The following CDH13 variants were observed in gnomAD, a reference collection of about 807,000 sequenced individuals.
CDH13 encodes cadherin 13.
A neutral mutation model predicts 63.8 loss-of-function variants in CDH13; 24 were observed. That is an observed-to-expected ratio of 0.38 (90% CI 0.27 to 0.53). The LOEUF (loss-of-function observed/expected upper bound fraction) is 0.53, where lower values mean the gene tolerates loss of function less well. Ranked by LOEUF, CDH13 falls within the 20% of genes least tolerant of loss-of-function variation. The pLI is 0.85. For missense variants in CDH13, 1,049 were observed against 903.1 expected (o/e 1.16, Z -2.07); for synonymous variants, 503 against 355.3 (o/e 1.42, Z -4.67).
chr16:82,940,366 A>G (rs1422257966), intron 2 of CDH13, among the ~76,000 whole-genome samples: 1 of 152,118 alleles, frequency 6.6e-6, no homozygotes, highest in African/African-American at 2.4e-5. Flanking sequence ...TAATTATGAC[A>G]CCAGAATGAG....
intron 3 of CDH13, among the ~76,000 whole-genome samples, chr16:83,053,501 G>C (rs1483747417): frequency 6.6e-6 from 1 of 152,038 alleles, no homozygotes; most frequent in Non-Finnish European, 1.5e-5. Flanking sequence ...TGAGAACCCA[G>C]GAGCATAAAT....
intron 2 of CDH13, among the ~76,000 whole-genome samples, chr16:82,877,856 C>G (rs540918240): frequency 7.6e-4 from 113 of 149,274 alleles, no homozygotes; most frequent in Non-Finnish European, 1.4e-3. Flanking sequence ...AAGACCTGAA[C>G]CTCTAGGACT....
intron 2 of CDH13, among the ~76,000 whole-genome samples, chr16:82,907,684 A>C (rs1273296603): frequency 6.6e-6 from 1 of 152,172 alleles, no homozygotes; most frequent in Non-Finnish European, 1.5e-5. Flanking sequence ...CAACTGGAGG[A>C]AGAGGTTCCC....
chr16:82,741,547 C>A (rs1415344140), intron 1 of CDH13, among the ~76,000 whole-genome samples: 1 of 152,182 alleles, frequency 6.6e-6, no homozygotes, highest in African/African-American at 2.4e-5. Flanking sequence ...AGATGGGGGT[C>A]CATGCCTCAT....
intron 2 of CDH13, among the ~76,000 whole-genome samples, chr16:83,024,393 G>A (rs910156678): frequency 2.6e-5 from 4 of 152,066 alleles, no homozygotes; most frequent in Non-Finnish European, 5.9e-5. Context: ...GTAAATAATC[G>A]ATGTGGTATG....
intron 2 of CDH13, among the ~76,000 whole-genome samples, chr16:82,882,428 G>C (rs1369639015): frequency 2.0e-5 from 3 of 152,174 alleles, no homozygotes; most frequent in African/African-American, 7.2e-5. Flanking sequence ...ATGACCACCA[G>C]CATTGCAAAC....
chr16:83,320,906 T>C (rs544387394), intron 5 of CDH13, among the ~76,000 whole-genome samples: 1 of 152,302 alleles, frequency 6.6e-6, no homozygotes, highest in South Asian at 2.1e-4. Context: ...GGAATAAACC[T>C]GAGAAGAAGA....
In CDH13 at chr16:82,680,232, G is replaced by A. The variant is rs79550866; in HGVS notation, c.45+53095G>A. ...GAATGTGGGGCCTGGTCTAATGAGA[G>A]TTACTGCCATAACTGGCATTTACTG... On this transcript the variant is annotated intron_variant, in intron 1 of 13. Transcript: ENST00000567109. 2.7e-3 allele frequency among the ~76,000 whole-genome samples: 412 copies of A among 152,310 alleles called. 12 individuals are homozygous for A. The East Asian group carries it at 0.067, about 25-fold the overall frequency.
At chr16:83,195,018 C>CAT (rs1294839344) in intron 4 of CDH13, among the ~76,000 whole-genome samples, 13 of 152,090 alleles carry the variant, frequency 8.5e-5, no homozygotes, top group Non-Finnish European at 1.5e-4. Flanking sequence ...TAGAAATAAC[C>CAT]ATAAAACATT....
At chr16:83,482,009 G>C (rs537117887) in intron 6 of CDH13, among the ~76,000 whole-genome samples, 2 of 152,184 alleles carry the variant, frequency 1.3e-5, no homozygotes, top group South Asian at 4.1e-4. Flanking sequence ...CCTGCTGCAT[G>C]TCAGCCCTGG....
chr16:83,484,546 C>G (rs2073844007), intron 6 of CDH13, among the ~76,000 whole-genome samples: 1 of 152,234 alleles, frequency 6.6e-6, no homozygotes. Context: ...TATAATTATG[C>G]TCTTTGTAAA....
chr16:82,693,309 C>T (rs1915813605), intron 1 of CDH13, among the ~76,000 whole-genome samples: 1 of 152,136 alleles, frequency 6.6e-6, no homozygotes, highest in African/African-American at 2.4e-5. Context: ...TAGTTTGTGG[C>T]AAGATAACTA....
At chr16:82,932,070 G>A (rs1378723740) in intron 2 of CDH13, among the ~76,000 whole-genome samples, 2 of 152,106 alleles carry the variant, frequency 1.3e-5, no homozygotes, top group Non-Finnish European at 2.9e-5. Flanking sequence ...GGAAGAATGT[G>A]GCTTCTTTGC....
intron 1 of CDH13, among the ~76,000 whole-genome samples, chr16:82,742,486 ATG>A (rs1213597507): frequency 1.3e-5 from 2 of 152,172 alleles, no homozygotes; most frequent in African/African-American, 4.8e-5. Context: ...ATAGCTCTTT[ATG>A]TGAGTTTCTG....
intron 7 of CDH13, among the ~76,000 whole-genome samples, chr16:83,525,509 C>G (rs948473104): frequency 1.3e-5 from 2 of 152,220 alleles, no homozygotes; most frequent in African/African-American, 4.8e-5. Context: ...AGAGGGCATC[C>G]TAAACAGCAC....
rs1457827526 is a variant in CDH13 at position 83,281,477 on chromosome 16, C to G, written c.637-63385C>G. On this transcript the variant is annotated intron_variant, in intron 5 of 13. Transcript: ENST00000567109. ...CATCAGCAATAAGGCAGTTTCACTT[C>G]CTTGCCATTCATGTGTTTACTGGGG... 4.6e-5 allele frequency among the ~76,000 whole-genome samples: 7 copies of G among 152,338 alleles called. No homozygotes were observed. In the South Asian group the frequency reaches 1.2e-3, roughly 27 times the overall value.
chr16:82,681,517 C>G (rs550066743), intron 1 of CDH13, among the ~76,000 whole-genome samples: 2 of 152,334 alleles, frequency 1.3e-5, no homozygotes, highest in East Asian at 3.9e-4. Context: ...TAAGCAAATA[C>G]ATAAATGAGA....
intron 4 of CDH13, among the ~76,000 whole-genome samples, chr16:83,208,534 T>G (rs2039246273): frequency 6.6e-6 from 1 of 152,108 alleles, no homozygotes; most frequent in African/African-American, 2.4e-5. Flanking sequence ...TGCATGTAAC[T>G]CCAATAATTC....
At chr16:83,004,674 T>C (rs1377619624) in intron 2 of CDH13, among the ~76,000 whole-genome samples, 1 of 152,096 alleles carries the variant, frequency 6.6e-6, no homozygotes, top group Non-Finnish European at 1.5e-5. Context: ...ATTTTTTGTC[T>C]CTTTAGTAGA....
Sources: allele counts gnomAD v4.1 joint callset (sites outside exome capture counted in the v4.1 genomes callset), GRCh38; gene constraint gnomAD v4.1.1; transcripts MANE v1.5; gene names NCBI Gene and HGNC (gene_info 2026-07-23, HGNC 2026-07-21).